The following BCL2L13 variants were observed in gnomAD, a reference collection of about 807,000 sequenced individuals.
The protein encoded by BCL2L13 is BCL2 like 13.
BCL2L13 carries 13 observed loss-of-function variants against 25.8 expected under a neutral mutation model. That is an observed-to-expected ratio of 0.50 (90% CI 0.33 to 0.80). The LOEUF (loss-of-function observed/expected upper bound fraction) is 0.80. Ranked by LOEUF, BCL2L13 falls within the 30% of genes least tolerant of loss-of-function variation. The pLI is 0.02. For missense variants in BCL2L13, 504 were observed against 574.9 expected (o/e 0.88, Z 1.26); for synonymous variants, 244 against 230.3 (o/e 1.06, Z -0.54).
intron 4 of BCL2L13, among the ~76,000 whole-genome samples, chr22:17,694,503 A>G (rs2145660614): frequency 6.7e-6 from 1 of 149,978 alleles, no homozygotes; most frequent in South Asian, 2.1e-4. Context: ...AGGTGACTCC[A>G]TTTAAAAAAA....
chr22:17,686,214 T>C (rs2059933518), intron 3 of BCL2L13, among the ~76,000 whole-genome samples: 1 of 151,986 alleles, frequency 6.6e-6, no homozygotes, highest in Non-Finnish European at 1.5e-5. Context: ...TTTGGGAGGC[T>C]GAAGTGGGTG....
chr22:17,655,810 GCAA>G lies in BCL2L13; in HGVS notation c.102_104del (p.Gln34del). Reference sequence around the variant, plus strand: ...TCCTCTCTCAAGAGAAGCTGCAAGAGCAACATCTTTCCTCACCCCAAGGTATTA... The same window carrying G: ...TCCTCTCTCAAGAGAAGCTGCAAGAGCATCTTTCCTCACCCCAAGGTATTA... On this transcript the variant is annotated inframe_deletion, in exon 2 of 7. Transcript: ENST00000317582. 3 of 1,613,570 alleles carry G rather than the reference GCAA, an allele frequency of 1.9e-6. No individual in the cohort carries two copies. Among genetic ancestry groups the G allele is most frequent in the Non-Finnish European group, 2.5e-6 (3 of 1,179,736 alleles).
intron 3 of BCL2L13, among the ~76,000 whole-genome samples, chr22:17,685,774 T>C (rs1473558005): frequency 8.9e-6 from 1 of 112,824 alleles, no homozygotes; most frequent in East Asian, 2.9e-4. Context: ...TTTTTTTTTT[T>C]TTTTTTTTTT....
chr22:17,715,001 G>T (rs898980664), intron 6 of BCL2L13, among the ~76,000 whole-genome samples: 5 of 151,206 alleles, frequency 3.3e-5, no homozygotes, highest in Non-Finnish European at 7.4e-5. Flanking sequence ...GAAAAGAAAA[G>T]AATGTTTCAT....
At chr22:17,640,635 T>C (rs539968302) in intron 1 of BCL2L13, among the ~76,000 whole-genome samples, 2 of 151,882 alleles carry the variant, frequency 1.3e-5, no homozygotes, top group South Asian at 2.1e-4. Flanking sequence ...GGCAGGAGCA[T>C]TGCTTGAGCC....
chr22:17,706,784 A>C (rs1179713675), intron 6 of BCL2L13: 1 of 1,351,952 alleles, frequency 7.4e-7, no homozygotes, highest in African/African-American at 1.5e-5. Context: ...CTACGTTAGA[A>C]GTCTGTCTGT....
intron 6 of BCL2L13, among the ~76,000 whole-genome samples, chr22:17,722,189 C>T (rs1342770180): frequency 6.6e-6 from 1 of 151,992 alleles, no homozygotes; most frequent in Admixed American, 6.6e-5. Context: ...CCTTATATAT[C>T]TAGTTCTGGA....
At chr22:17,664,236 C>T (rs999238522) in intron 2 of BCL2L13, among the ~76,000 whole-genome samples, 1 of 152,136 alleles carries the variant, frequency 6.6e-6, no homozygotes, top group Non-Finnish European at 1.5e-5. Flanking sequence ...CCAGCTGCCT[C>T]GGCCTCCCAA....
At chr22:17,643,996 C>G (rs1476182658) in intron 1 of BCL2L13, among the ~76,000 whole-genome samples, 3 of 151,328 alleles carry the variant, frequency 2.0e-5, no homozygotes, top group Non-Finnish European at 4.4e-5. Context: ...GCAAACTCCG[C>G]TTCCTGGGCT....
rs189077426 is a variant in BCL2L13 at position 17,679,988 on chromosome 22, G to A, written c.122-3226G>A. Among the ~76,000 whole-genome samples the A allele has an allele frequency of 5.3e-5, 8 of 151,740 alleles. 1 individual carries two copies. The highest frequency in any genetic ancestry group is 4.2e-4 in the South Asian group (2 of 4,800). On this transcript the variant is annotated intron_variant, in intron 2 of 6. Coordinates refer to ENST00000317582, the MANE Select transcript of BCL2L13 (RefSeq NM_015367.4). The stretch of plus-strand genomic sequence containing the variant: ...AGCACTTTGGGAGGCTGGGGCGGGC[G>A]GATTACCTGAGGTCAGGAGTTCGAG...
intron 1 of BCL2L13, among the ~76,000 whole-genome samples, chr22:17,640,143 C>T (rs546062275): frequency 2.2e-4 from 34 of 152,174 alleles, no homozygotes; most frequent in African/African-American, 7.7e-4. Context: ...CGTGAGCCAC[C>T]GCGCACGGTG....
Position 17,646,716 on chromosome 22 carries a change from C to CTTTTTT in BCL2L13, c.-51+7846_-51+7851dup, listed in dbSNP as rs10684670. On this transcript the variant is annotated intron_variant, in intron 1 of 6. Transcript: ENST00000317582. Reference sequence around the variant, plus strand: ...TTGAAAAGAATCTTGAAATATCTGTCTTTTTTTTTTTTTTTTTTTTTGAGA... The same window carrying CTTTTTT: ...TTGAAAAGAATCTTGAAATATCTGTCTTTTTTTTTTTTTTTTTTTTTTTTTTTGAGA... Among the ~76,000 whole-genome samples, 61 of 89,188 alleles carry CTTTTTT rather than the reference C, an allele frequency of 6.8e-4. 4 individuals carry two copies. The highest frequency in any genetic ancestry group is 1.5e-3 in the African/African-American group (31 of 21,200). The allele number at this position is 89,188 out of a possible 152,430, so 58.5% of individuals were successfully genotyped here.
In BCL2L13 at chr22:17,646,643, T is replaced by C. The variant is rs139208907; in HGVS notation, c.-51+7757T>C. ...CTAACTTGAATTTTAAGAGGTCCTA[T>C]TAGATAAAATTCAATGAGTAAAGGT... is the stretch of plus-strand genomic sequence containing the variant. On this transcript the variant is annotated intron_variant, in intron 1 of 6. Transcript: ENST00000317582. Among the ~76,000 whole-genome samples the C allele has an allele frequency of 3.8e-3, 576 of 150,564 alleles. 34 individuals carry two copies. The highest frequency in any genetic ancestry group is 0.014 in the African/African-American group (549 of 40,260).
intron 5 of BCL2L13, among the ~76,000 whole-genome samples, chr22:17,697,486 A>G (rs1005094010): frequency 5.3e-5 from 8 of 152,178 alleles, no homozygotes; most frequent in African/African-American, 7.2e-5. Flanking sequence ...GGGGACATGT[A>G]TGTGCAGGTT....
At chr22:17,720,103 A>G (rs1179446238) in intron 6 of BCL2L13, among the ~76,000 whole-genome samples, 1 of 149,056 alleles carries the variant, frequency 6.7e-6, no homozygotes, top group Non-Finnish European at 1.5e-5. Flanking sequence ...GCACAACACT[A>G]TGAATATACT....
At chr22:17,662,654 A>C (rs1314332875) in intron 2 of BCL2L13, among the ~76,000 whole-genome samples, 3 of 151,842 alleles carry the variant, frequency 2.0e-5, no homozygotes, top group Non-Finnish European at 4.4e-5. Context: ...CCGCCTCTAC[A>C]AAAAATAAAA....
intron 2 of BCL2L13, among the ~76,000 whole-genome samples, chr22:17,659,877 C>G (rs1198750916): frequency 6.9e-6 from 1 of 145,978 alleles, no homozygotes; most frequent in Non-Finnish European, 1.6e-5. Flanking sequence ...ATTTTTGAGA[C>G]AAGAATCTTG....
At chr22:17,679,485 G>T (rs969435008) in intron 2 of BCL2L13, among the ~76,000 whole-genome samples, 1 of 151,776 alleles carries the variant, frequency 6.6e-6, no homozygotes. Flanking sequence ...GGCCAGGCTG[G>T]TCTTGAACTC....
At chr22:17,684,638 A>G (rs1217195958) in intron 3 of BCL2L13, 2 of 453,422 alleles carry the variant, frequency 4.4e-6, no homozygotes, top group Admixed American at 2.4e-5. Flanking sequence ...ATCTCGGCCC[A>G]CCACAACCTC....
Sources: gnomAD v4.1 joint callset for allele counts (sites outside exome capture counted in the v4.1 genomes callset) on GRCh38, gnomAD v4.1.1 for gene constraint, MANE v1.5 for transcripts, NCBI Gene and HGNC (gene_info 2026-07-23, HGNC 2026-07-21) for gene names.